Variants in GALNT10 observed in about 807,000 individuals in gnomAD.
GALNT10 encodes GalNAc transferase 10.
Under a neutral mutation model 75.0 loss-of-function variants are expected in GALNT10, and 41 were observed. That is an observed-to-expected ratio of 0.55 (90% CI 0.43 to 0.71). The LOEUF (loss-of-function observed/expected upper bound fraction) is 0.71, where lower values mean the gene tolerates loss of function less well. Ranked by LOEUF, GALNT10 falls within the 30% of genes least tolerant of loss-of-function variation. The probability of loss-of-function intolerance (pLI) is 0.00; values close to 1 mark genes in which losing one functional copy is unlikely to be tolerated. For missense variants in GALNT10, 727 were observed against 818.5 expected, an observed-to-expected ratio of 0.89 and a Z score of 1.36; for synonymous variants, 302 against 313.0, an observed-to-expected ratio of 0.96 and a Z score of 0.37.
At position 154,412,225 on chromosome 5, in the gene GALNT10, G is replaced by T. The variant is rs762402678; in HGVS notation, c.1387-664G>T. Among the ~76,000 whole-genome samples the T allele has an allele frequency of 7.2e-5, 11 of 152,206 alleles. No homozygotes were observed. The highest frequency in any genetic ancestry group is 3.9e-4 in the Admixed American group (6 of 15,280). Reference sequence around the variant, plus strand: ...TAAGGTTGGAACTACATGATGTGACGCTATGCACCTAGCACAATGGCCTGC... The same window carrying T: ...TAAGGTTGGAACTACATGATGTGACTCTATGCACCTAGCACAATGGCCTGC... On this transcript the variant is annotated intron_variant, in intron 9 of 11. Coordinates refer to ENST00000297107, the MANE Select transcript of GALNT10 (RefSeq NM_198321.4). The surrounding 1 kb of genome is among the most constrained non-coding windows in gnomAD (Gnocchi z 4.2).
rs192983816 is a variant in GALNT10, at chr5:154,279,089, G to T, written c.160-15727G>T. 1.5e-3 allele frequency among the ~76,000 whole-genome samples: 222 copies of T among 152,188 alleles called. 3 individuals carry two copies. The highest frequency in any genetic ancestry group is 5.2e-3 in the African/African-American group (214 of 41,502). On this transcript the variant is annotated intron_variant, in intron 1 of 11. Coordinates refer to ENST00000297107, the MANE Select transcript of GALNT10 (RefSeq NM_198321.4). ...TAAAATGGAATTGTTGGATCATATG[G>T]TAGTTCTACATTTAACCTTTTGGAA...
In GALNT10 at chr5:154,330,308, T is replaced by A. The variant is rs536940132; in HGVS notation, c.568+570T>A. Among the ~76,000 whole-genome samples the A allele has an allele frequency of 1.1e-3, 161 of 152,352 alleles. 1 individual carries two copies. Among genetic ancestry groups the A allele is most frequent in the African/African-American group, 3.7e-3 (154 of 41,580 alleles). Reference sequence around the variant, plus strand: ...GATCTCTGACATCTGGGCACCCCTATCTGCAAGGAAGGCAGGGAATGTGAG... The same window carrying A: ...GATCTCTGACATCTGGGCACCCCTAACTGCAAGGAAGGCAGGGAATGTGAG... On this transcript the variant is annotated intron_variant, in intron 4 of 11. Transcript: ENST00000297107.
intron 7 of GALNT10, among the ~76,000 whole-genome samples, chr5:154,395,130 A>G (rs1165534636): frequency 6.6e-6 from 1 of 152,200 alleles, no homozygotes; most frequent in Non-Finnish European, 1.5e-5. Context: ...TGGCTCTTTC[A>G]TCCCTAAAAG....
At chr5:154,233,256 T>A (rs1291990737) in intron 1 of GALNT10, among the ~76,000 whole-genome samples, 13 of 152,178 alleles carry the variant, frequency 8.5e-5, no homozygotes, top group Admixed American at 8.5e-4. Flanking sequence ...TACTCTCAGA[T>A]AAGATTTTCT....
chr5:154,367,490 AC>A (rs1290550325), intron 4 of GALNT10, among the ~76,000 whole-genome samples: 2 of 152,100 alleles, frequency 1.3e-5, no homozygotes, highest in Non-Finnish European at 2.9e-5. Context: ...ATGGGAGGGC[AC>A]CCAAGCCAGC....
intron 7 of GALNT10, chr5:154,393,057 C>CAAAAAAAAAAAAAA (rs139303055): frequency 6.5e-5 from 5 of 76,638 alleles, no homozygotes; most frequent in African/African-American, 1.0e-4. Flanking sequence ...GAGGTCTCCA[C>CAAAAAAAAAAAAAA]AAAAAAAAAA....
At chr5:154,329,320 G>A (rs1399794324) in intron 3 of GALNT10, 3 of 462,534 alleles carry the variant, frequency 6.5e-6, no homozygotes, top group Non-Finnish European at 1.2e-5. Context: ...TCCTCCACAT[G>A]AAATCACAAC....
chr5:154,208,063 C>A (rs1440660906), intron 1 of GALNT10, among the ~76,000 whole-genome samples: 2 of 152,176 alleles, frequency 1.3e-5, no homozygotes, highest in African/African-American at 2.4e-5. Context: ...AGGCACAGGT[C>A]CTGACCTGGA....
In GALNT10 at chr5:154,402,870, C is replaced by T. The variant is rs1369795516; in HGVS notation, c.1057-1234C>T. On this transcript the variant is annotated intron_variant, in intron 7 of 11. Coordinates refer to ENST00000297107, the MANE Select transcript of GALNT10 (RefSeq NM_198321.4). The surrounding 1 kb of genome is among the most constrained non-coding windows in gnomAD (Gnocchi z 4.2). ...CAGAGAAAGGTGGAAGCCACGGCAT[C>T]TTTATGACCGTCATTTCTGCAGTAT... 1 of 152,250 alleles carries T rather than the reference C, an allele frequency of 6.6e-6. No homozygotes were observed. The highest frequency in any genetic ancestry group is 2.4e-5 in the African/African-American group (1 of 41,456). The allele number at this position is 152,250 out of a possible 1,614,324, so 9.4% of individuals were successfully genotyped here.
intron 1 of GALNT10, among the ~76,000 whole-genome samples, 172 bp downstream of exon 1, chr5:154,191,197 G>A (rs1439752375): frequency 6.6e-6 from 1 of 152,020 alleles, no homozygotes; most frequent in East Asian, 1.9e-4. Flanking sequence ...ACTTGTCCAG[G>A]GTCCCACGCC....
chr5:154,266,362 T>A (rs899470685), intron 1 of GALNT10, among the ~76,000 whole-genome samples: 1 of 152,054 alleles, frequency 6.6e-6, no homozygotes, highest in Non-Finnish European at 1.5e-5. Context: ...ACAGTGATGA[T>A]TATTGGATGG....
chr5:154,274,900 C>T (rs1434410363), intron 1 of GALNT10, among the ~76,000 whole-genome samples: 1 of 152,162 alleles, frequency 6.6e-6, no homozygotes, highest in Non-Finnish European at 1.5e-5. Context: ...TGCATGCACT[C>T]GCCTCTCCCC....
chr5:154,309,217 C>T (rs961352559), intron 3 of GALNT10, among the ~76,000 whole-genome samples: 3 of 152,038 alleles, frequency 2.0e-5, no homozygotes, highest in Non-Finnish European at 4.4e-5. Flanking sequence ...GAGGAAACAG[C>T]AAATGCAAAG....
chr5:154,287,959 T>TGA (rs36043154), intron 1 of GALNT10, among the ~76,000 whole-genome samples: 15,381 of 149,806 alleles, frequency 0.1, 881 homozygotes, highest in African/African-American at 0.16. Flanking sequence ...TGTGTGTGTG[T>TGA]GAGAGAGAGA....
At chr5:154,343,374 G>A (rs1371032762) in intron 4 of GALNT10, among the ~76,000 whole-genome samples, 1 of 152,188 alleles carries the variant, frequency 6.6e-6, no homozygotes, top group Non-Finnish European at 1.5e-5. Context: ...CAGAGACACA[G>A]CTGACATCTC....
At chr5:154,234,925 GAC>G (rs1248345335) in intron 1 of GALNT10, among the ~76,000 whole-genome samples, 6 of 152,206 alleles carry the variant, frequency 3.9e-5, no homozygotes, top group Non-Finnish European at 2.9e-5. Flanking sequence ...GAGTGGACTA[GAC>G]ACCCTTTAGC....
At chr5:154,393,423 G>A (rs1350026037) in intron 7 of GALNT10, among the ~76,000 whole-genome samples, 1 of 152,120 alleles carries the variant, frequency 6.6e-6, no homozygotes, top group Non-Finnish European at 1.5e-5. Flanking sequence ...CATCCCTAGT[G>A]GCCTTTGGGG....
At chr5:154,232,151 C>T (rs1212950657) in intron 1 of GALNT10, among the ~76,000 whole-genome samples, 3 of 152,224 alleles carry the variant, frequency 2.0e-5, no homozygotes, top group Non-Finnish European at 4.4e-5. Flanking sequence ...TTGAAAGCCA[C>T]CCCACAGGCC....
At chr5:154,398,808 G>T (rs1387948396) in intron 7 of GALNT10, among the ~76,000 whole-genome samples, 1 of 152,166 alleles carries the variant, frequency 6.6e-6, no homozygotes, top group Admixed American at 6.5e-5. Flanking sequence ...TGCAGGTTTT[G>T]CCACCAAGTT....
Sources: allele counts gnomAD v4.1 joint callset (sites outside exome capture counted in the v4.1 genomes callset), GRCh38; gene constraint gnomAD v4.1.1; non-coding constraint Gnocchi (gnomAD v3.1); transcripts MANE v1.5; gene names NCBI Gene and HGNC (gene_info 2026-07-23, HGNC 2026-07-21).